The following TOMM6 variants were observed in gnomAD, a reference collection of about 807,000 sequenced individuals.
TOMM6 encodes the protein translocase of outer mitochondrial membrane 6, also known as mitochondrial import receptor subunit TOM6 homolog.
A neutral mutation model predicts 6.0 loss-of-function variants in TOMM6; 6 were observed. That is an observed-to-expected ratio of 1.00 (90% confidence interval 0.55 to 1.98). The LOEUF (loss-of-function observed/expected upper bound fraction) is 1.98, where lower values mean the gene tolerates loss of function less well. TOMM6 is among the 30% of genes most tolerant of loss of function. The pLI, the probability that TOMM6 is intolerant of heterozygous loss-of-function variation, is 0.00. For missense variants in TOMM6, 104 were observed against 95.3 expected (o/e 1.09, Z -0.38); for synonymous variants, 44 against 36.3 (o/e 1.21, Z -0.76).
chr6:41,789,217 A>G lies in TOMM6; in HGVS notation c.129-15A>G. ...TCAGTGACCACAGGGTTAATAAAACACATTGTTTTTCCAGGAACTTGATAC... is the reference window on the plus strand; with the variant it reads ...TCAGTGACCACAGGGTTAATAAAACGCATTGTTTTTCCAGGAACTTGATAC... On this transcript the variant is annotated splice_polypyrimidine_tract_variant and intron_variant, in intron 1 of 2. Transcript: ENST00000398881. 1 of 1,549,302 alleles carries G rather than the reference A, an allele frequency of 6.5e-7. No homozygotes were observed. The highest frequency in any genetic ancestry group is 2.4e-5 in the East Asian group (1 of 40,906).
Position 41,787,804 on chromosome 6 carries a change from C to T in TOMM6, c.107C>T (p.Thr36Ile). 1.3e-6 allele frequency: 2 copies of T among 1,551,788 alleles called. No homozygotes were observed. Among genetic ancestry groups the T allele is most frequent in the Non-Finnish European group, 1.7e-6 (2 of 1,147,002 alleles). The change falls in exon 1 of 3, where the codon ACT becomes ATT. Residue 36 changes from threonine to isoleucine, a missense_variant. Thr to Ile is a moderately conservative substitution (Grantham distance 89, BLOSUM62 -1). Transcript: ENST00000398881. Reference protein sequence around the residue: ...DWLRGVYRFATDRNDFRRNLI... With the variant: ...DWLRGVYRFAIDRNDFRRNLI... ...CTTCGGGGCGTCTACCGCTTTGCCA[C>T]TGATAGGAATGACTTCCGGAGGTAA...
At chr6:41,788,993 C>G (rs938458657) in intron 1 of TOMM6, among the ~76,000 whole-genome samples, 3 of 152,188 alleles carry the variant, frequency 2.0e-5, no homozygotes, top group Non-Finnish European at 4.4e-5. Flanking sequence ...ATCCGCCTGC[C>G]TTGGCCTTCC....
At position 41,789,220 on chromosome 6, in the gene TOMM6, T is replaced by G; in HGVS notation, c.129-12T>G. The G allele has an allele frequency of 6.5e-7, 1 of 1,549,556 alleles. No individual in the cohort carries two copies. Among genetic ancestry groups the G allele is most frequent in the Non-Finnish European group, 8.7e-7 (1 of 1,146,298 alleles). On this transcript the variant is annotated splice_polypyrimidine_tract_variant and intron_variant, in intron 1 of 2. Transcript: ENST00000398881. ...GTGACCACAGGGTTAATAAAACACATTGTTTTTCCAGGAACTTGATACTAA... is the reference window on the plus strand; with the variant it reads ...GTGACCACAGGGTTAATAAAACACAGTGTTTTTCCAGGAACTTGATACTAA...
intron 1 of TOMM6, among the ~76,000 whole-genome samples, chr6:41,788,268 C>T (rs1411070258): frequency 6.6e-6 from 1 of 150,604 alleles, no homozygotes; most frequent in Admixed American, 6.6e-5. Context: ...CCTCAGCCTC[C>T]CGAGTAGCTG....
At chr6:41,787,919 G>T in intron 1 of TOMM6, 94 bp downstream of exon 1, 3 of 1,488,500 alleles carry the variant, frequency 2.0e-6, no homozygotes, top group Middle Eastern at 3.5e-4. Context: ...TTTTGTTTTT[G>T]TTTTTTAACA....
Position 41,787,723 on chromosome 6 carries a change from G to T in TOMM6, c.26G>T (p.Ser9Ile), listed in dbSNP as rs574630326. The T allele has an allele frequency of 1.9e-5, 30 of 1,551,716 alleles. No individual in the cohort carries two copies. Among genetic ancestry groups the T allele is most frequent in the African/African-American group, 6.8e-5 (5 of 73,162 alleles). Reference sequence around the variant, plus strand: ...ATGGCTTCCAGCACTGTCCCGGTGAGCGCTGCTGGCTCGGCTAATGAAACT... The same window carrying T: ...ATGGCTTCCAGCACTGTCCCGGTGATCGCTGCTGGCTCGGCTAATGAAACT... MASSTVPVSAAGSANETPE... is the reference protein window; with the variant it reads MASSTVPVIAAGSANETPE... The change falls in exon 1 of 3, where the codon AGC (serine) becomes ATC (isoleucine). Residue 9 changes from serine (S) to isoleucine (I), a missense_variant. Physicochemically the swap from Ser to Ile is moderately radical, Grantham distance 142 (BLOSUM62 -2). Coordinates refer to ENST00000398881, the MANE Select transcript of TOMM6 (RefSeq NM_001382294.1).
At chr6:41,789,502 T>C in intron 2 of TOMM6, 66 bp from the exon 3 acceptor site, 1 of 592,338 alleles carries the variant, frequency 1.7e-6, no homozygotes, top group Non-Finnish European at 3.0e-6. Flanking sequence ...TAAGTATCTC[T>C]TACCAGTTTC....
intron 1 of TOMM6, among the ~76,000 whole-genome samples, chr6:41,788,730 C>T (rs370041292): frequency 1.3e-5 from 2 of 151,030 alleles, no homozygotes; most frequent in Admixed American, 6.6e-5. Context: ...GGATTACAGG[C>T]GTGAGCCACC....
rs764280727 is a variant in TOMM6 at position 41,787,716 on chromosome 6, C to A, written c.19C>A (p.Pro7Thr). 1 of 1,551,700 alleles carries A rather than the reference C, an allele frequency of 6.4e-7. No individual in the cohort carries two copies. The highest frequency in any genetic ancestry group is 1.2e-5 in the South Asian group (1 of 84,058). MASSTV[P>T]VSAAGSANET... ...TTCCACTATGGCTTCCAGCACTGTCCCGGTGAGCGCTGCTGGCTCGGCTAA... is the reference window on the plus strand; with the variant it reads ...TTCCACTATGGCTTCCAGCACTGTCACGGTGAGCGCTGCTGGCTCGGCTAA... The change falls in exon 1 of 3, where the codon CCG becomes ACG. Residue 7 changes from proline to threonine, a missense_variant. By Grantham distance (38) the Pro-to-Thr change is conservative. Transcript: ENST00000398881.
chr6:41,788,958 C>T, intron 1 of TOMM6, among the ~76,000 whole-genome samples: 1 of 151,860 alleles, frequency 6.6e-6, no homozygotes, highest in African/African-American at 2.4e-5. Flanking sequence ...GTTGGCCAGG[C>T]TGGTCTCGAG....
chr6:41,788,303 C>G (rs541013926), intron 1 of TOMM6, among the ~76,000 whole-genome samples: 1 of 151,270 alleles, frequency 6.6e-6, no homozygotes, highest in Admixed American at 6.6e-5. Context: ...CGCCACCACG[C>G]CCTGCTAATT....
At chr6:41,789,133 CG>C in intron 1 of TOMM6, 98 bp from the exon 2 acceptor site, 1 of 1,111,598 alleles carries the variant, frequency 9.0e-7, no homozygotes, top group Non-Finnish European at 1.3e-6. Flanking sequence ...ATCAACGCCT[CG>C]GGAAGGTGGT....
chr6:41,789,111 T>G lies in TOMM6; in HGVS notation c.129-121T>G, dbSNP rs1384751282. ...CACGTGGGTCTTGAGCAACCTGCCGTCACAACCACGTATCAACGCCTCGGG... is the reference window on the plus strand; with the variant it reads ...CACGTGGGTCTTGAGCAACCTGCCGGCACAACCACGTATCAACGCCTCGGG... On this transcript the variant is annotated intron_variant, in intron 1 of 2. Coordinates refer to ENST00000398881, the MANE Select transcript of TOMM6 (RefSeq NM_001382294.1). 3.3e-6 allele frequency: 3 copies of G among 910,564 alleles called. No homozygotes were observed. The East Asian group carries it at 8.1e-5, about 24-fold the overall frequency. 56.4% of individuals were successfully genotyped at this position (910,564 alleles called of 1,614,324 possible). A position where few individuals can be genotyped will look rare whatever the true frequency, so the allele number is the denominator to read the frequency against.
Position 41,789,554 on chromosome 6 carries a change from T to C in TOMM6, c.*9-14T>C, listed in dbSNP as rs1467141926. ...AGTTCTAATGCCACCTGTCGTCTTA[T>C]CATCTGATTGCAGACAAATGGAATC... On this transcript the variant is annotated splice_polypyrimidine_tract_variant and intron_variant, in intron 2 of 2. Transcript: ENST00000398881. 9 of 471,184 alleles carry C rather than the reference T, an allele frequency of 1.9e-5. No individual in the cohort carries two copies. The highest frequency in any genetic ancestry group is 3.4e-5 in the Admixed American group (1 of 29,758). 29.2% of individuals were successfully genotyped at this position (471,184 alleles called of 1,614,324 possible). A position where few individuals can be genotyped will look rare whatever the true frequency, so the allele number is the denominator to read the frequency against.
rs1267612770 is a variant in TOMM6, at chr6:41,787,704, T to C, written c.7T>C (p.Ser3Pro). 1 of 1,551,552 alleles carries C rather than the reference T, an allele frequency of 6.4e-7. No individual in the cohort carries two copies. Among genetic ancestry groups the C allele is most frequent in the Admixed American group, 2.0e-5 (1 of 50,998 alleles). The change falls in exon 1 of 3, where the codon TCC becomes CCC. Residue 3 changes from serine (S) to proline (P), a missense_variant. By Grantham distance (74) the Ser-to-Pro change is moderately conservative. Transcript: ENST00000398881. MA[S>P]STVPVSAAGS... is the part of the protein sequence containing the mutation. The stretch of plus-strand genomic sequence containing the variant: ...CCATGCGAAGCTTTCCACTATGGCT[T>C]CCAGCACTGTCCCGGTGAGCGCTGC...
rs865928251 is a variant in TOMM6 at position 41,789,571 on chromosome 6, A to C, written c.*12A>C. 26 of 435,218 alleles carry C rather than the reference A, an allele frequency of 6.0e-5. 1 individual carries two copies. The highest frequency in any genetic ancestry group is 4.8e-4 in the African/African-American group (24 of 50,480). 27.0% of individuals were successfully genotyped at this position (435,218 alleles called of 1,614,324 possible). ...TCGTCTTATCATCTGATTGCAGACA[A>C]ATGGAATCCTGTGCTGAACCCGAAT... On this transcript the variant is annotated 3_prime_UTR_variant, in exon 3 of 3. Coordinates refer to ENST00000398881, the MANE Select transcript of TOMM6 (RefSeq NM_001382294.1).
intron 1 of TOMM6, 146 bp downstream of exon 1, chr6:41,787,971 A>G: frequency 1.7e-6 from 2 of 1,159,938 alleles, no homozygotes; most frequent in Non-Finnish European, 2.4e-6. Flanking sequence ...GCTGTGCCTC[A>G]CTGAGATCCC....
intron 1 of TOMM6, among the ~76,000 whole-genome samples, chr6:41,788,902 C>T (rs1460083436): frequency 2.0e-5 from 3 of 151,774 alleles, no homozygotes; most frequent in Non-Finnish European, 4.4e-5. Context: ...CGCACCACCA[C>T]GCCCAGCTAA....
chr6:41,787,848 G>T (rs1772704730), intron 1 of TOMM6, 23 bp downstream of exon 1: 1 of 1,551,352 alleles, frequency 6.4e-7, no homozygotes, highest in South Asian at 1.2e-5. Context: ...GAGGAACTTG[G>T]TCCTTTTCTG....
Sources: gnomAD v4.1 joint callset for allele counts (sites outside exome capture counted in the v4.1 genomes callset) on GRCh38, gnomAD v4.1.1 for gene constraint, MANE v1.5 for transcripts, NCBI Gene and HGNC (gene_info 2026-07-23, HGNC 2026-07-21) for gene names.